The following MYRIP variants were observed in gnomAD, a reference collection of about 807,000 sequenced individuals.
MYRIP encodes rab effector MyRIP.
MYRIP carries 49 observed loss-of-function variants against 98.0 expected under a neutral mutation model. That is an observed-to-expected ratio of 0.50 (90% confidence interval 0.40 to 0.63). MYRIP has a LOEUF of 0.63. MYRIP is among the 30% of genes least tolerant of loss of function. The pLI is 0.00. For synonymous variants in MYRIP, 404 were observed against 409.5 expected (o/e 0.99, Z 0.16); for missense variants, 1,004 against 1,058.2 (o/e 0.95, Z 0.71).
intron 1 of MYRIP, 110 bp downstream of exon 1, chr3:39,810,026 C>A (rs13095855): frequency 0.19 from 28,777 of 152,302 alleles, 2,810 homozygotes; most frequent in South Asian, 0.29. Flanking sequence ...AGGTGTCTCT[C>A]ACGCTCCCCC....
At chr3:40,187,436 C>T (rs1487865025) in intron 9 of MYRIP, among the ~76,000 whole-genome samples, 1 of 152,208 alleles carries the variant, frequency 6.6e-6, no homozygotes, top group African/African-American at 2.4e-5. Flanking sequence ...GGAAAGGAGC[C>T]ATCAGGAATT....
At chr3:39,815,319 G>C (rs576557436) in intron 1 of MYRIP, among the ~76,000 whole-genome samples, 120 of 152,148 alleles carry the variant, frequency 7.9e-4, no homozygotes, top group Non-Finnish European at 1.2e-3. Flanking sequence ...CTTTCACTTA[G>C]TGTAATGTTT....
chr3:39,866,296 C>T (rs1271657055), intron 1 of MYRIP, among the ~76,000 whole-genome samples: 1 of 152,046 alleles, frequency 6.6e-6, no homozygotes, highest in Non-Finnish European at 1.5e-5. Context: ...CATAATTTAC[C>T]TGTATAACAA....
chr3:40,002,668 C>A (rs1413683248), intron 2 of MYRIP, among the ~76,000 whole-genome samples: 1 of 152,136 alleles, frequency 6.6e-6, no homozygotes, highest in Non-Finnish European at 1.5e-5. Context: ...ATCAGATGAG[C>A]AGCCCGAGGT....
chr3:40,026,856 CCTT>C (rs1237297898), intron 2 of MYRIP, among the ~76,000 whole-genome samples: 2 of 152,168 alleles, frequency 1.3e-5, no homozygotes, highest in Non-Finnish European at 2.9e-5. Context: ...CCTCCTCAGT[CCTT>C]CTGTCTGGCT....
intron 3 of MYRIP, among the ~76,000 whole-genome samples, chr3:40,079,211 C>T (rs1291710866): frequency 6.6e-6 from 1 of 152,238 alleles, no homozygotes; most frequent in East Asian, 1.9e-4. Flanking sequence ...CCTTCTTAGA[C>T]ACTTGAGAGT....
chr3:39,996,130 A>G (rs901860769), intron 2 of MYRIP, among the ~76,000 whole-genome samples: 2 of 152,188 alleles, frequency 1.3e-5, no homozygotes, highest in South Asian at 4.1e-4. Context: ...TCAACTAAGG[A>G]GCAAAATAAC....
chr3:39,876,190 CT>C (rs1028161731), intron 1 of MYRIP, among the ~76,000 whole-genome samples: 1 of 151,988 alleles, frequency 6.6e-6, no homozygotes, highest in Non-Finnish European at 1.5e-5. Flanking sequence ...TTTCCATTTG[CT>C]TGGTAGATCT....
At chr3:40,096,744 A>G (rs1189283376) in intron 3 of MYRIP, among the ~76,000 whole-genome samples, 1 of 152,210 alleles carries the variant, frequency 6.6e-6, no homozygotes, top group Non-Finnish European at 1.5e-5. Context: ...TCAGAGCAGC[A>G]GGGCTGAGAG....
chr3:39,953,277 A>G (rs1945072486), intron 2 of MYRIP, among the ~76,000 whole-genome samples: 1 of 152,184 alleles, frequency 6.6e-6, no homozygotes, highest in Admixed American at 6.5e-5. Flanking sequence ...TTTTACTTGA[A>G]TAAATGCTTC....
chr3:39,873,471 G>A (rs1321593666), intron 1 of MYRIP, among the ~76,000 whole-genome samples: 2 of 152,096 alleles, frequency 1.3e-5, no homozygotes, highest in African/African-American at 2.4e-5. Flanking sequence ...TATGGTTTTA[G>A]GTCTAACGTT....
At chr3:40,119,096 G>A (rs1486933441) in intron 3 of MYRIP, among the ~76,000 whole-genome samples, 6 of 152,038 alleles carry the variant, frequency 3.9e-5, no homozygotes, top group Non-Finnish European at 7.4e-5. Context: ...TATATACCCA[G>A]TAATGGGATG....
intron 12 of MYRIP, among the ~76,000 whole-genome samples, chr3:40,238,286 A>G (rs1212575135): frequency 6.6e-6 from 1 of 152,214 alleles, no homozygotes; most frequent in Admixed American, 6.5e-5. Context: ...AATTCAACAG[A>G]TCACAGAGCC....
intron 1 of MYRIP, among the ~76,000 whole-genome samples, chr3:39,827,325 C>T (rs746991700): frequency 9.2e-5 from 14 of 152,214 alleles, no homozygotes; most frequent in Admixed American, 3.3e-4. Context: ...GTTCACTAGG[C>T]GGGTCTCAAA....
intron 3 of MYRIP, among the ~76,000 whole-genome samples, chr3:40,088,734 G>T (rs1203274214): frequency 6.6e-6 from 1 of 152,220 alleles, no homozygotes; most frequent in Admixed American, 6.5e-5. Flanking sequence ...GAAGTGCAGG[G>T]CCCAGCCCCC....
intron 11 of MYRIP, among the ~76,000 whole-genome samples, chr3:40,224,992 A>G (rs1952448117): frequency 6.6e-6 from 1 of 152,234 alleles, no homozygotes; most frequent in Non-Finnish European, 1.5e-5. Context: ...ATTAGCATTG[A>G]ATTTTTCTAG....
rs577070194 is a variant in MYRIP, at chr3:39,930,054, C to T, written c.110+29128C>T. Among the ~76,000 whole-genome samples the T allele has an allele frequency of 3.8e-4, 58 of 152,114 alleles. 1 individual carries two copies. The South Asian group carries it at 0.012, about 30-fold the overall frequency. ...AGCTTTTGTGCAGAAATATGTTTCA[C>T]CTCTCTTGGGTATATACTGAAGAGT... On this transcript the variant is annotated intron_variant, in intron 2 of 16. Transcript: ENST00000302541.
chr3:39,842,990 A>G (rs1278799249), intron 1 of MYRIP, among the ~76,000 whole-genome samples: 10 of 152,204 alleles, frequency 6.6e-5, no homozygotes, highest in African/African-American at 2.4e-4. Flanking sequence ...GCTAACGTTA[A>G]TTAAAGTTTG....
At chr3:40,089,785 A>C (rs1051868469) in intron 3 of MYRIP, among the ~76,000 whole-genome samples, 1 of 152,182 alleles carries the variant, frequency 6.6e-6, no homozygotes, top group African/African-American at 2.4e-5. Flanking sequence ...TGGATCGTTC[A>C]TGCAGAATTG....
Sources: allele counts gnomAD v4.1 joint callset (sites outside exome capture counted in the v4.1 genomes callset), GRCh38; gene constraint gnomAD v4.1.1; transcripts MANE v1.5; gene names NCBI Gene and HGNC (gene_info 2026-07-23, HGNC 2026-07-21).